The following INO80 variants were observed in gnomAD, a reference collection of about 807,000 sequenced individuals.
The protein encoded by INO80 is INO80 complex ATPase subunit.
In INO80, 20 loss-of-function variants were observed where a neutral mutation model predicts 203.4. The observed-to-expected ratio is 0.10, with a 90% confidence interval of 0.07 to 0.14. The LOEUF (loss-of-function observed/expected upper bound fraction) is 0.14, where lower values mean the gene tolerates loss of function less well. Ranked by LOEUF, INO80 falls within the 10% of genes least tolerant of loss-of-function variation. The pLI is 1.00. For missense variants in INO80, 1,419 were observed against 1,914.4 expected, an observed-to-expected ratio of 0.74 and a Z score of 4.83; for synonymous variants, 726 against 685.2, an observed-to-expected ratio of 1.06 and a Z score of -0.93.
chr15:41,063,019 G>A (rs2045140594), intron 14 of INO80, among the ~76,000 whole-genome samples: 1 of 152,130 alleles, frequency 6.6e-6, no homozygotes, highest in Admixed American at 6.6e-5. Flanking sequence ...AGGATCTCCT[G>A]AGCGCTGTCA....
chr15:41,096,404 T>A, intron 1 of INO80, 51 bp from the exon 2 acceptor site: 1 of 1,308,882 alleles, frequency 7.6e-7, no homozygotes. Flanking sequence ...CCATTCTCCC[T>A]TTCTCTTGCC....
At chr15:41,027,254 C>CA (rs1386363822) in intron 25 of INO80, among the ~76,000 whole-genome samples, 1 of 152,178 alleles carries the variant, frequency 6.6e-6, no homozygotes, top group Non-Finnish European at 1.5e-5. Flanking sequence ...CTCAAAACCT[C>CA]AACACAGGTG....
At chr15:41,088,185 G>C (rs1002011380) in intron 5 of INO80, among the ~76,000 whole-genome samples, 1 of 149,818 alleles carries the variant, frequency 6.7e-6, no homozygotes, top group African/African-American at 2.5e-5. Context: ...CCGCCCCTTG[G>C]TTCAAGCGAT....
chr15:40,985,308 C>G (rs768249029), intron 32 of INO80, 30 bp downstream of exon 32: 10 of 1,543,774 alleles, frequency 6.5e-6, no homozygotes, highest in Admixed American at 3.3e-5. Flanking sequence ...GCCCCATTAG[C>G]CCCTATCCAC....
chr15:41,036,232 A>C (rs1017416968), intron 24 of INO80, among the ~76,000 whole-genome samples: 2 of 151,528 alleles, frequency 1.3e-5, no homozygotes, highest in Admixed American at 1.3e-4. Context: ...CCCAGCCAAC[A>C]GAAACAGTGT....
chr15:40,999,438 AAGGT>A (rs1290755033), intron 28 of INO80: 2 of 152,220 alleles, frequency 1.3e-5, no homozygotes, highest in Non-Finnish European at 2.9e-5. Context: ...GTTAATCACT[AAGGT>A]AGGTATGTCC....
At chr15:41,062,472 G>C (rs2045130009) in intron 14 of INO80, among the ~76,000 whole-genome samples, 1 of 152,172 alleles carries the variant, frequency 6.6e-6, no homozygotes, top group Non-Finnish European at 1.5e-5. Flanking sequence ...CGCAGAGGTT[G>C]CAGTGAGTGG....
intron 1 of INO80, among the ~76,000 whole-genome samples, chr15:41,108,543 G>GATCTC (rs1173041553): frequency 7.1e-6 from 1 of 140,708 alleles, no homozygotes; most frequent in African/African-American, 2.7e-5. Context: ...AGTGAGCCGA[G>GATCTC]ATCTCGCCAC....
At chr15:41,013,758 T>G (rs2044164451) in intron 27 of INO80, among the ~76,000 whole-genome samples, 1 of 152,232 alleles carries the variant, frequency 6.6e-6, no homozygotes. Context: ...TTTTAGTTTT[T>G]AAAACATACA....
At chr15:41,038,745 A>G (rs2044620689) in intron 24 of INO80, among the ~76,000 whole-genome samples, 1 of 152,182 alleles carries the variant, frequency 6.6e-6, no homozygotes, top group Non-Finnish European at 1.5e-5. Flanking sequence ...TTTGCTTAAC[A>G]TCTGCCTTAA....
intron 24 of INO80, among the ~76,000 whole-genome samples, chr15:41,044,188 C>G (rs1213636740): frequency 6.6e-6 from 1 of 152,198 alleles, no homozygotes; most frequent in African/African-American, 2.4e-5. Flanking sequence ...TGTAGCAATT[C>G]CATTCCTGGA....
intron 16 of INO80, among the ~76,000 whole-genome samples, chr15:41,057,945 G>A (rs2045024587): frequency 6.6e-6 from 1 of 151,874 alleles, no homozygotes; most frequent in Non-Finnish European, 1.5e-5. Flanking sequence ...CAAGCCTGAG[G>A]TTTAATATCA....
intron 29 of INO80, among the ~76,000 whole-genome samples, chr15:40,991,918 C>T (rs961290188): frequency 6.6e-6 from 1 of 152,124 alleles, no homozygotes; most frequent in Non-Finnish European, 1.5e-5. Context: ...GGAGGGACTA[C>T]AGGCGTCCGC....
At chr15:41,083,398 G>A (rs1233549383) in intron 7 of INO80, among the ~76,000 whole-genome samples, 1 of 151,822 alleles carries the variant, frequency 6.6e-6, no homozygotes, top group Non-Finnish European at 1.5e-5. Context: ...AGGGATCAAA[G>A]GTAATATCCT....
At chr15:41,003,250 A>G (rs947222776) in intron 28 of INO80, among the ~76,000 whole-genome samples, 1 of 152,156 alleles carries the variant, frequency 6.6e-6, no homozygotes, top group South Asian at 2.1e-4. Flanking sequence ...TAGTATAAAT[A>G]TAACCCTATA....
intron 16 of INO80, 84 bp downstream of exon 16, chr15:41,058,555 G>C (rs925694656): frequency 3.1e-6 from 3 of 975,172 alleles, no homozygotes; most frequent in African/African-American, 2.3e-5. Context: ...ACAAGTCTGT[G>C]TGTGTGTGTG....
intron 25 of INO80, 76 bp from the exon 26 acceptor site, chr15:41,021,201 T>C: frequency 1.0e-6 from 1 of 965,744 alleles, no homozygotes; most frequent in Non-Finnish European, 1.6e-6. Context: ...ACCTCAACTT[T>C]GAAATCAGAC....
At chr15:41,024,012 A>G (rs960302141) in intron 25 of INO80, among the ~76,000 whole-genome samples, 9 of 152,072 alleles carry the variant, frequency 5.9e-5, no homozygotes, top group Admixed American at 3.3e-4. Context: ...GAAACAGGAA[A>G]AATGGTTTTT....
chr15:41,095,735 AGG>A (rs1021218786), intron 3 of INO80, 22 bp downstream of exon 3: 1 of 1,613,068 alleles, frequency 6.2e-7, no homozygotes, highest in African/African-American at 1.3e-5. Flanking sequence ...GATAGTCCAA[AGG>A]GGGATGTCAC....
Sources: gnomAD v4.1 joint callset for allele counts (sites outside exome capture counted in the v4.1 genomes callset) on GRCh38, gnomAD v4.1.1 for gene constraint, MANE v1.5 for transcripts, NCBI Gene and HGNC (gene_info 2026-07-23, HGNC 2026-07-21) for gene names.